ZNF526: variants seen among roughly 807,000 people sequenced by gnomAD.
The protein encoded by ZNF526 is zinc finger protein 526.
A neutral mutation model predicts 32.4 loss-of-function variants in ZNF526; 16 were observed. The ratio of observed to expected loss-of-function variants is 0.49; its 90% CI spans 0.33 to 0.75. ZNF526 has a LOEUF of 0.75. Among genes scored for constraint, ZNF526 ranks in the 30% least tolerant of loss-of-function variants. The probability of loss-of-function intolerance (pLI) is 0.02; values close to 1 mark genes in which losing one functional copy is unlikely to be tolerated. For missense variants in ZNF526, 838 were observed against 920.7 expected (o/e 0.91, Z 1.16); for synonymous variants, 355 against 363.4 (o/e 0.98, Z 0.26).
chr19:42,225,370 C>T lies in ZNF526; in HGVS notation c.967C>T (p.His323Tyr), dbSNP rs1280289432. 6.2e-7 allele frequency: 1 copy of T among 1,613,892 alleles called. No homozygotes were observed. Among genetic ancestry groups the T allele is most frequent in the African/African-American group, 1.3e-5 (1 of 74,952 alleles). The change falls in exon 3 of 3, where the codon CAT (histidine) becomes TAT (tyrosine). Residue 323 changes from histidine to tyrosine, a missense_variant. By Grantham distance (83) the His-to-Tyr change is moderately conservative. Transcript: ENST00000301215. ...SFSSANRLQA[H>Y]GRAHVGGTHE... ...CAGCTCCGCCAACCGGCTGCAGGCT[C>T]ATGGGCGGGCCCATGTTGGTGGCAC...
In ZNF526 at chr19:42,225,240, C is replaced by T. The variant is rs533478562; in HGVS notation, c.837C>T (p.Pro279=). 1.5e-5 allele frequency: 25 copies of T among 1,613,990 alleles called. No individual in the cohort carries two copies. The highest frequency in any genetic ancestry group is 2.1e-5 in the Non-Finnish European group (25 of 1,179,980). ...AGWAQGCGDC[P]QHQPSAGARR... ...GGGCTCAGGGCTGCGGGGACTGTCC[C>T]CAGCACCAGCCCTCAGCAGGGGCTC... is the stretch of plus-strand genomic sequence containing the variant. The change falls in exon 3 of 3, where the codon CCC becomes CCT. Residue 279 remains proline, a synonymous_variant. Coordinates refer to ENST00000301215, the MANE Select transcript of ZNF526 (RefSeq NM_133444.3).
At position 42,225,687 on chromosome 19, in the gene ZNF526, G is replaced by A; in HGVS notation, c.1284G>A (p.Glu428=). ...CAACAGCTCCCCCAGCTCCAGCGGA[G>A]CCCACCCCTCCACCACCACCCCCTG... The part of the protein sequence containing the change: ...TGATAPPAPA[E]PTPPPPPPAP... The change falls in exon 3 of 3, where the codon GAG becomes GAA. Residue 428 remains glutamate (E), a synonymous_variant. Coordinates refer to ENST00000301215, the MANE Select transcript of ZNF526 (RefSeq NM_133444.3). 8 of 1,610,654 alleles carry A rather than the reference G, an allele frequency of 5.0e-6. No homozygotes were observed. The highest frequency in any genetic ancestry group is 6.8e-6 in the Non-Finnish European group (8 of 1,178,356).
Position 42,224,974 on chromosome 19 carries a change from G to T in ZNF526, c.571G>T (p.Glu191Ter). 6.2e-7 allele frequency: 1 copy of T among 1,614,168 alleles called. No homozygotes were observed. The highest frequency in any genetic ancestry group is 8.5e-7 in the Non-Finnish European group (1 of 1,180,032). ...ACTGCCTCCACCTTCTCCCCCATCC[G>T]AAGTCAAGATGGAGCCCTATGAGTG... ...TPLPPPSPPS[E>*]VKMEPYECPE... Residue 191 changes from glutamate to a stop codon, truncating the protein, a stop_gained, in exon 3 of 3, where the codon GAA (glutamate) becomes TAA (stop). Coordinates refer to ENST00000301215, the MANE Select transcript of ZNF526 (RefSeq NM_133444.3). LOFTEE classifies it high-confidence loss of function.
In ZNF526 at chr19:42,225,859, C is replaced by G; in HGVS notation, c.1456C>G (p.His486Asp). 6.2e-7 allele frequency: 1 copy of G among 1,614,158 alleles called. No individual in the cohort carries two copies. Among genetic ancestry groups the G allele is most frequent in the Non-Finnish European group, 8.5e-7 (1 of 1,180,038 alleles). The change falls in exon 3 of 3, where the codon CAC becomes GAC. Residue 486 changes from histidine to aspartate, a missense_variant. Coordinates refer to ENST00000301215, the MANE Select transcript of ZNF526 (RefSeq NM_133444.3). ...VCGKGFKKLI[H>D]VRNHLRTHTG... ...TGGCAAGGGCTTCAAGAAGCTGATC[C>G]ACGTGCGCAACCACCTGCGGACACA... is the stretch of plus-strand genomic sequence containing the variant.
Sources: gnomAD v4.1 joint callset for allele counts on GRCh38, gnomAD v4.1.1 for gene constraint, MANE v1.5 for transcripts, NCBI Gene and HGNC (gene_info 2026-07-23, HGNC 2026-07-21) for gene names.